The following PTK2B variants were observed in gnomAD, a reference collection of about 807,000 sequenced individuals.
PTK2B encodes the protein protein tyrosine kinase 2 beta.
Under a neutral mutation model 142.9 loss-of-function variants are expected in PTK2B, and 71 were observed. The observed-to-expected ratio is 0.50, with a 90% CI of 0.41 to 0.61. The LOEUF is 0.61. Ranked by LOEUF, PTK2B falls within the 20% of genes least tolerant of loss-of-function variation. The probability of loss-of-function intolerance (pLI) is 0.00; values close to 1 mark genes in which losing one functional copy is unlikely to be tolerated. For synonymous variants in PTK2B, 519 were observed against 503.4 expected (o/e 1.03, Z -0.42); for missense variants, 1,105 against 1,320.4 (o/e 0.84, Z 2.53).
chr8:27,347,880 C>A, intron 1 of PTK2B, among the ~76,000 whole-genome samples: 1 of 152,342 alleles, frequency 6.6e-6, no homozygotes, highest in Non-Finnish European at 1.5e-5. Context: ...TTGCCTTCCT[C>A]CCCTGCTTCT....
Position 27,454,569 on chromosome 8 carries a change from G to A in PTK2B, c.2772G>A (p.Val924=), listed in dbSNP as rs541811092. 3.1e-6 allele frequency: 5 copies of A among 1,614,194 alleles called. No homozygotes were observed. Among genetic ancestry groups the A allele is most frequent in the South Asian group, 2.2e-5 (2 of 91,084 alleles). ...CCCTGCGGAAGCTCATCGGGAGCGTGGATGATCTCCTGCCTTCCTTGCCGT... is the reference window on the plus strand; with the variant it reads ...CCCTGCGGAAGCTCATCGGGAGCGTAGATGATCTCCTGCCTTCCTTGCCGT... ...GLTLRKLIGS[V]DDLLPSLPSS... Residue 924 remains valine (V), a synonymous_variant, in exon 30 of 31, where the codon GTG becomes GTA. Transcript: ENST00000346049.
intron 1 of PTK2B, among the ~76,000 whole-genome samples, chr8:27,382,168 G>T (rs1807067583): frequency 6.6e-6 from 1 of 152,154 alleles, no homozygotes. Flanking sequence ...GGCTGGTCTT[G>T]AACTCCTGTC....
At chr8:27,353,549 G>A (rs778322555) in intron 1 of PTK2B, among the ~76,000 whole-genome samples, 42 of 132,204 alleles carry the variant, frequency 3.2e-4, no homozygotes, top group Middle Eastern at 4.3e-3. Context: ...ATGCATGCTC[G>A]CTCTCTCTCT....
intron 1 of PTK2B, among the ~76,000 whole-genome samples, chr8:27,334,454 C>G (rs1002139398): frequency 2.6e-5 from 4 of 152,204 alleles, no homozygotes; most frequent in African/African-American, 9.7e-5. Context: ...GTCCTACTTA[C>G]TCCTTTAAGG....
At chr8:27,351,541 A>T (rs192330578) in intron 1 of PTK2B, among the ~76,000 whole-genome samples, 1 of 152,168 alleles carries the variant, frequency 6.6e-6, no homozygotes, top group Non-Finnish European at 1.5e-5. Flanking sequence ...TACTGGTCCT[A>T]ATGGATTCCA....
intron 4 of PTK2B, 100 bp from the exon 5 acceptor site, chr8:27,422,204 C>A (rs909287759): frequency 6.0e-6 from 7 of 1,172,664 alleles, no homozygotes; most frequent in Non-Finnish European, 7.1e-6. Context: ...GTGGCTGTCA[C>A]TCAGGGAGGC....
At chr8:27,387,626 G>A (rs1807450322) in intron 1 of PTK2B, among the ~76,000 whole-genome samples, 1 of 152,192 alleles carries the variant, frequency 6.6e-6, no homozygotes, top group African/African-American at 2.4e-5. Context: ...GCTGAGGTGG[G>A]ATCGTGTGTG....
chr8:27,409,839 G>A (rs750975017), intron 2 of PTK2B, among the ~76,000 whole-genome samples: 4 of 152,134 alleles, frequency 2.6e-5, no homozygotes, highest in Admixed American at 6.5e-5. Flanking sequence ...GCCTTCCTCA[G>A]CCTCCCAAGT....
chr8:27,370,738 G>A (rs935210500), intron 1 of PTK2B, among the ~76,000 whole-genome samples: 2 of 152,110 alleles, frequency 1.3e-5, no homozygotes, highest in Non-Finnish European at 2.9e-5. Flanking sequence ...ATCTTGCTCC[G>A]TGGTCTCACT....
intron 2 of PTK2B, among the ~76,000 whole-genome samples, chr8:27,410,233 G>T (rs190042819): frequency 6.6e-6 from 1 of 152,222 alleles, no homozygotes; most frequent in African/African-American, 2.4e-5. Flanking sequence ...TGGAGGAAGC[G>T]TGTTGATGGG....
chr8:27,450,442 A>C (rs949839838), intron 24 of PTK2B, among the ~76,000 whole-genome samples: 1 of 152,208 alleles, frequency 6.6e-6, no homozygotes, highest in Non-Finnish European at 1.5e-5. Flanking sequence ...ACAAACACTG[A>C]GATAATAGTA....
At chr8:27,451,115 G>A (rs1811781692) in intron 26 of PTK2B, 37 bp downstream of exon 26, 1 of 1,595,556 alleles carries the variant, frequency 6.3e-7, no homozygotes, top group Non-Finnish European at 8.6e-7. Flanking sequence ...TCCATGCCAA[G>A]GCCTGGGAAG....
rs750519439 is a variant in PTK2B at position 27,430,181 on chromosome 8, C to A, written c.614+26C>A. 1.7e-5 allele frequency: 28 copies of A among 1,601,592 alleles called. No homozygotes were observed. The South Asian group carries it at 2.8e-4, about 16-fold the overall frequency. ...GTAAGTTCTGGGATCACCCATCTCC[C>A]CTCCCTTCCTGTCCTTCCATGTGTA... On this transcript the variant is annotated intron_variant, in intron 6 of 30. Coordinates refer to ENST00000346049, the MANE Select transcript of PTK2B (RefSeq NM_173176.3).
At chr8:27,343,481 A>G (rs1477791878) in intron 1 of PTK2B, among the ~76,000 whole-genome samples, 2 of 152,208 alleles carry the variant, frequency 1.3e-5, no homozygotes, top group Non-Finnish European at 2.9e-5. Flanking sequence ...GTAGTCCCCA[A>G]AGCTCTGGAG....
chr8:27,427,340 C>T (rs751626642), intron 5 of PTK2B, among the ~76,000 whole-genome samples: 1 of 152,148 alleles, frequency 6.6e-6, no homozygotes, highest in Non-Finnish European at 1.5e-5. Context: ...GCCCCCTTTG[C>T]AAAACCACTG....
intron 22 of PTK2B, 21 bp from the exon 23 acceptor site, chr8:27,444,185 C>G (rs373872451): frequency 6.2e-7 from 1 of 1,603,068 alleles, no homozygotes; most frequent in South Asian, 1.1e-5. Flanking sequence ...AGAGACTGAC[C>G]CATCTGTGTT....
intron 25 of PTK2B, 67 bp from the exon 26 acceptor site, chr8:27,450,976 C>T (rs1297948624): frequency 2.5e-6 from 4 of 1,611,096 alleles, no homozygotes; most frequent in Non-Finnish European, 3.4e-6. Flanking sequence ...GGGCAAGGGT[C>T]CCCTGCATTC....
chr8:27,329,065 G>A (rs1171320258), intron 1 of PTK2B, among the ~76,000 whole-genome samples: 1 of 151,908 alleles, frequency 6.6e-6, no homozygotes, highest in Non-Finnish European at 1.5e-5. Context: ...AGCCTCCCGA[G>A]TAGCTGGGAT....
intron 13 of PTK2B, 119 bp downstream of exon 13, chr8:27,434,678 C>T: frequency 8.7e-7 from 1 of 1,154,618 alleles, no homozygotes; most frequent in Non-Finnish European, 1.2e-6. Flanking sequence ...ATGATCCTCT[C>T]CCATAACTTC....
Sources: gnomAD v4.1 joint callset for allele counts (sites outside exome capture counted in the v4.1 genomes callset) on GRCh38, gnomAD v4.1.1 for gene constraint, MANE v1.5 for transcripts, NCBI Gene and HGNC (gene_info 2026-07-23, HGNC 2026-07-21) for gene names.